The following COG5 variants were observed in gnomAD, a reference collection of about 807,000 sequenced individuals.
The protein encoded by COG5 is conserved oligomeric Golgi complex subunit 5.
Under a neutral mutation model 110.4 loss-of-function variants are expected in COG5, and 86 were observed. The observed-to-expected ratio is 0.78, with a 90% CI of 0.65 to 0.93. The LOEUF is 0.93. Ranked by LOEUF, COG5 falls within the 40% of genes least tolerant of loss-of-function variation. The pLI is 0.00. For synonymous variants in COG5, 360 were observed against 334.6 expected, an observed-to-expected ratio of 1.08 and a Z score of -0.83; for missense variants, 1,077 against 987.0, an observed-to-expected ratio of 1.09 and a Z score of -1.22.
At chr7:107,205,541 C>G (rs1267728898) in intron 21 of COG5, among the ~76,000 whole-genome samples, 1 of 152,192 alleles carries the variant, frequency 6.6e-6, no homozygotes, top group Non-Finnish European at 1.5e-5. Flanking sequence ...TGAAATAAAG[C>G]TGTCTCTGCC....
At chr7:107,527,901 AC>A (rs1320022573) in intron 5 of COG5, among the ~76,000 whole-genome samples, 9 of 152,122 alleles carry the variant, frequency 5.9e-5, no homozygotes, top group African/African-American at 2.2e-4. Context: ...ATGGGTTAGA[AC>A]CAAGCATGAG....
rs181607211 is a variant in COG5 at position 107,548,803 on chromosome 7, C to T, written c.293-471G>A. Among the ~76,000 whole-genome samples, 11 of 152,290 alleles carry T rather than the reference C, an allele frequency of 7.2e-5. No homozygotes were observed. The East Asian group carries it at 2.1e-3, about 29-fold the overall frequency. On this transcript the variant is annotated intron_variant, in intron 3 of 21. Transcript: ENST00000297135. The stretch of plus-strand genomic sequence containing the variant: ...TTAAAACTATAGTCCACAGCTTAGT[C>T]TACAACTCTCTAGGCTTACAACATG...
At chr7:107,210,999 G>A (rs1322379236) in intron 20 of COG5, 100 bp downstream of exon 20, 2 of 1,363,600 alleles carry the variant, frequency 1.5e-6, no homozygotes, top group Admixed American at 1.7e-5. Context: ...ACTAAACAAA[G>A]CAGCAGAGGG....
At chr7:107,497,592 T>C (rs1798360152) in intron 6 of COG5, among the ~76,000 whole-genome samples, 1 of 151,888 alleles carries the variant, frequency 6.6e-6, no homozygotes, top group Non-Finnish European at 1.5e-5. Flanking sequence ...AGTAAGAAAG[T>C]GAAAGACCTG....
chr7:107,437,891 A>G (rs1167204869), intron 6 of COG5, among the ~76,000 whole-genome samples: 1 of 152,178 alleles, frequency 6.6e-6, no homozygotes, highest in East Asian at 1.9e-4. Flanking sequence ...GCCCAGCTAA[A>G]TAAATCTCCT....
At chr7:107,213,093 G>C (rs1387182976) in intron 19 of COG5, among the ~76,000 whole-genome samples, 1 of 152,156 alleles carries the variant, frequency 6.6e-6, no homozygotes, top group African/African-American at 2.4e-5. Flanking sequence ...GATCTGGGTG[G>C]TAGCTCTGTG....
In COG5 at chr7:107,234,305, T is replaced by C. The variant is rs536718273; in HGVS notation, c.2091+2145A>G. ...AGCATAAGTTAGTAATAATGACTGATGAGTTTAATTTACCTTAAGGGAAGG... is the reference window on the plus strand; with the variant it reads ...AGCATAAGTTAGTAATAATGACTGACGAGTTTAATTTACCTTAAGGGAAGG... On this transcript the variant is annotated intron_variant, in intron 18 of 21. Transcript: ENST00000297135. 2.0e-5 allele frequency among the ~76,000 whole-genome samples: 3 copies of C among 152,306 alleles called. No individual in the cohort carries two copies. In the South Asian group the frequency reaches 6.2e-4, roughly 32 times the overall value.
chr7:107,249,704 G>C (rs936988335), intron 16 of COG5, among the ~76,000 whole-genome samples: 6 of 138,564 alleles, frequency 4.3e-5, no homozygotes, highest in African/African-American at 1.6e-4. Flanking sequence ...GTGTGTGTGT[G>C]TGTGTGTGTG....
At chr7:107,468,136 TTTTCCAAA>T (rs1796412727) in intron 6 of COG5, among the ~76,000 whole-genome samples, 1 of 152,196 alleles carries the variant, frequency 6.6e-6, no homozygotes, top group South Asian at 2.1e-4. Context: ...ACCTTCATAA[TTTTCCAAA>T]GAGAGAAGGC....
At chr7:107,563,684 T>G in intron 1 of COG5, 119 bp downstream of exon 1, 1 of 1,132,270 alleles carries the variant, frequency 8.8e-7, no homozygotes, top group Non-Finnish European at 1.3e-6. Context: ...CGGAGGGGAG[T>G]GGTCACGTCC....
chr7:107,269,071 AG>A (rs1197754384), intron 14 of COG5, among the ~76,000 whole-genome samples: 2 of 150,294 alleles, frequency 1.3e-5, no homozygotes, highest in African/African-American at 5.0e-5. Context: ...TATATTTTTC[AG>A]CCTTTTACTC....
intron 8 of COG5, among the ~76,000 whole-genome samples, chr7:107,367,613 G>C (rs1813750497): frequency 6.6e-6 from 1 of 151,838 alleles, no homozygotes; most frequent in African/African-American, 2.4e-5. Context: ...CCATAAAAAA[G>C]AATGAAATAA....
chr7:107,514,392 AT>A (rs1563076951), intron 6 of COG5, among the ~76,000 whole-genome samples: 1 of 151,524 alleles, frequency 6.6e-6, no homozygotes, highest in Non-Finnish European at 1.5e-5. Context: ...TTGGTTTATT[AT>A]GAGGTTATAG....
At chr7:107,279,846 TTA>T (rs1805023947) in intron 14 of COG5, among the ~76,000 whole-genome samples, 1 of 152,136 alleles carries the variant, frequency 6.6e-6, no homozygotes, top group Non-Finnish European at 1.5e-5. Flanking sequence ...CCTAAGTAAT[TTA>T]CAGCCACTGA....
intron 6 of COG5, among the ~76,000 whole-genome samples, chr7:107,502,583 T>TAA (rs1798706318): frequency 6.6e-6 from 1 of 152,160 alleles, no homozygotes; most frequent in Non-Finnish European, 1.5e-5. Flanking sequence ...TTTAGTTCTT[T>TAA]AAGGAATCTC....
intron 14 of COG5, among the ~76,000 whole-genome samples, chr7:107,262,497 T>A (rs567554442): frequency 6.6e-6 from 1 of 152,132 alleles, no homozygotes; most frequent in Non-Finnish European, 1.5e-5. Context: ...ATATTCATGG[T>A]CACTTAGGAA....
At chr7:107,371,725 A>G (rs1416675195) in intron 8 of COG5, among the ~76,000 whole-genome samples, 2 of 152,204 alleles carry the variant, frequency 1.3e-5, no homozygotes, top group African/African-American at 4.8e-5. Flanking sequence ...AAGGAGATAC[A>G]ATAACACAAC....
rs552981774 is a variant in COG5 at position 107,335,758 on chromosome 7, G to A, written c.1027-11237C>T. Among the ~76,000 whole-genome samples the A allele has an allele frequency of 2.0e-5, 3 of 152,194 alleles. No homozygotes were observed. The East Asian group carries it at 5.8e-4, about 29-fold the overall frequency. On this transcript the variant is annotated intron_variant, in intron 10 of 21. Coordinates refer to ENST00000297135, the MANE Select transcript of COG5 (RefSeq NM_006348.5). ...TCACCTACAAAGACACACATGAACT[G>A]AATGTAAAGGGATGCAAAAAGATAT...
chr7:107,506,561 G>A (rs1799023685), intron 6 of COG5, among the ~76,000 whole-genome samples: 1 of 152,166 alleles, frequency 6.6e-6, no homozygotes, highest in African/African-American at 2.4e-5. Flanking sequence ...TATGTAGGGA[G>A]TGGGAAGTAA....
Sources: gnomAD v4.1 joint callset for allele counts (sites outside exome capture counted in the v4.1 genomes callset) on GRCh38, gnomAD v4.1.1 for gene constraint, MANE v1.5 for transcripts, NCBI Gene and HGNC (gene_info 2026-07-23, HGNC 2026-07-21) for gene names.